The following VRK2 variants were observed in gnomAD, a reference collection of about 807,000 sequenced individuals.
VRK2 encodes the protein VRK serine/threonine kinase 2, also known as serine/threonine-protein kinase VRK2.
A neutral mutation model predicts 57.6 loss-of-function variants in VRK2; 60 were observed. The observed-to-expected ratio is 1.04, with a 90% CI of 0.85 to 1.29. VRK2 has a LOEUF of 1.29. Among genes scored for constraint, VRK2 ranks in the 50% most tolerant of loss-of-function variants. The pLI is 0.00. For synonymous variants in VRK2, 231 were observed against 199.2 expected (o/e 1.16, Z -1.35); for missense variants, 705 against 588.1 (o/e 1.20, Z -2.06).
chr2:57,967,368 TATAATA>T (rs750621854), intron 1 of VRK2, among the ~76,000 whole-genome samples: 3 of 151,160 alleles, frequency 2.0e-5, no homozygotes, highest in Non-Finnish European at 4.4e-5. Flanking sequence ...GAACTTAAAG[TATAATA>T]ATAATAATAA....
chr2:58,132,877 C>T (rs568694617), intron 9 of VRK2, among the ~76,000 whole-genome samples: 3 of 152,138 alleles, frequency 2.0e-5, no homozygotes, highest in African/African-American at 7.2e-5. Context: ...TCATCCTAGT[C>T]CCTTACCCAA....
chr2:57,988,559 A>G (rs913661292), intron 1 of VRK2, among the ~76,000 whole-genome samples: 9 of 152,244 alleles, frequency 5.9e-5, no homozygotes, highest in Non-Finnish European at 1.2e-4. Flanking sequence ...CAATCCATCC[A>G]GCATCCAAAT....
intron 2 of VRK2, among the ~76,000 whole-genome samples, chr2:58,081,348 C>T (rs1670842007): frequency 6.6e-6 from 1 of 151,920 alleles, no homozygotes; most frequent in Non-Finnish European, 1.5e-5. Context: ...TTTTAAGATG[C>T]ATTCAGATTT....
chr2:57,990,664 G>T (rs1023819310), intron 1 of VRK2, among the ~76,000 whole-genome samples: 6 of 152,268 alleles, frequency 3.9e-5, no homozygotes, highest in Admixed American at 3.3e-4. Context: ...CAATTAAAGA[G>T]AAGAACTCAT....
At chr2:57,918,057 G>A (rs544833415) in intron 1 of VRK2, among the ~76,000 whole-genome samples, 2 of 152,150 alleles carry the variant, frequency 1.3e-5, no homozygotes, top group East Asian at 3.9e-4. Context: ...CTACCCAGCA[G>A]TAATTAATTC....
At position 57,999,680 on chromosome 2, in the gene VRK2, A is replaced by G. The variant is rs1572761217; in HGVS notation, c.-438-25985A>G. On this transcript the variant is annotated intron_variant, in intron 1 of 15. Coordinates refer to the VRK2 transcript ENST00000417641. ...GTTATATATCAAAACCATCAGTTGT[A>G]GCAAGCATATGTAGAAAGATAACAA... Among the ~76,000 whole-genome samples, 5 of 152,348 alleles carry G rather than the reference A, an allele frequency of 3.3e-5. 2 individuals carry two copies. Among genetic ancestry groups the G allele is most frequent in the Admixed American group, 3.3e-4 (5 of 15,302 alleles).
At chr2:58,136,764 T>C (rs759647692) in intron 10 of VRK2, among the ~76,000 whole-genome samples, 49 of 146,082 alleles carry the variant, frequency 3.4e-4, no homozygotes, top group Non-Finnish European at 6.5e-4. Context: ...CATTAACATA[T>C]ATATATATCA....
intron 8 of VRK2, among the ~76,000 whole-genome samples, chr2:58,127,574 A>G (rs1003976922): frequency 1.3e-5 from 2 of 152,214 alleles, no homozygotes; most frequent in African/African-American, 4.8e-5. Context: ...GGATCTTTAT[A>G]CATCAGAATT....
chr2:58,113,549 A>C (rs1194610296), intron 7 of VRK2, among the ~76,000 whole-genome samples: 2 of 151,900 alleles, frequency 1.3e-5, no homozygotes, highest in Non-Finnish European at 2.9e-5. Context: ...GAAGGGAGAT[A>C]GGGGTGGGAC....
chr2:58,019,296 G>GCTTTAAGACTAATTAATAAGTA (rs1673676732), intron 1 of VRK2, among the ~76,000 whole-genome samples: 1 of 152,174 alleles, frequency 6.6e-6, no homozygotes, highest in African/African-American at 2.4e-5. Context: ...GGTAGTGCCT[G>GCTTTAAGACTAATTAATAAGTA]CTTTAAGACT....
intron 2 of VRK2, among the ~76,000 whole-genome samples, chr2:58,070,065 C>T (rs1386128557): frequency 1.3e-5 from 2 of 152,110 alleles, no homozygotes; most frequent in Non-Finnish European, 2.9e-5. Flanking sequence ...ACCTCTTTCT[C>T]CCACTGTTGT....
intron 2 of VRK2, among the ~76,000 whole-genome samples, chr2:58,071,958 G>T (rs1669418149): frequency 2.0e-5 from 3 of 151,836 alleles, no homozygotes; most frequent in South Asian, 4.1e-4. Flanking sequence ...TCTTTCATCA[G>T]ATGTTTGTAG....
chr2:57,962,480 T>A (rs984405401), intron 1 of VRK2, among the ~76,000 whole-genome samples: 1 of 152,166 alleles, frequency 6.6e-6, no homozygotes, highest in Non-Finnish European at 1.5e-5. Context: ...AGGTAAACTG[T>A]ACGTCACAGA....
chr2:58,001,672 A>G (rs1165305125), intron 1 of VRK2, among the ~76,000 whole-genome samples: 2 of 151,996 alleles, frequency 1.3e-5, no homozygotes, highest in African/African-American at 4.8e-5. Flanking sequence ...AAATACAAAA[A>G]TTAGCCAGGC....
chr2:58,091,796 A>T (rs1473187128), intron 7 of VRK2, among the ~76,000 whole-genome samples: 1 of 152,172 alleles, frequency 6.6e-6, no homozygotes, highest in Non-Finnish European at 1.5e-5. Context: ...TAGAAACAGG[A>T]AAAAAGGCTA....
intron 11 of VRK2, among the ~76,000 whole-genome samples, chr2:58,143,953 A>T (rs1028917139): frequency 5.3e-5 from 8 of 151,580 alleles, no homozygotes; most frequent in Non-Finnish European, 8.8e-5. Flanking sequence ...GTTTGTGTAT[A>T]TATGTATATA....
At chr2:57,922,391 A>G (rs1038907531) in intron 1 of VRK2, among the ~76,000 whole-genome samples, 6 of 151,610 alleles carry the variant, frequency 4.0e-5, no homozygotes, top group Admixed American at 2.6e-4. Flanking sequence ...AAATATATGT[A>G]TATGTTGTGA....
chr2:58,144,000 C>T (rs911757915), intron 11 of VRK2, among the ~76,000 whole-genome samples: 27 of 150,984 alleles, frequency 1.8e-4, no homozygotes, highest in African/African-American at 6.1e-4. Flanking sequence ...TATACACATA[C>T]ATATATACAT....
At chr2:57,968,507 T>C (rs901021541) in intron 1 of VRK2, among the ~76,000 whole-genome samples, 5 of 152,090 alleles carry the variant, frequency 3.3e-5, no homozygotes, top group Admixed American at 3.3e-4. Context: ...GGTCTCAGAA[T>C]GCTAGAAGAA....
Sources: gnomAD v4.1 joint callset for allele counts (sites outside exome capture counted in the v4.1 genomes callset) on GRCh38, gnomAD v4.1.1 for gene constraint, MANE v1.5 for transcripts, NCBI Gene and HGNC (gene_info 2026-07-23, HGNC 2026-07-21) for gene names.